The following COA1 variants were observed in gnomAD, a reference collection of about 807,000 sequenced individuals.
COA1 encodes the protein cytochrome c oxidase assembly factor 1 homolog.
In COA1, 13 loss-of-function variants were observed where a neutral mutation model predicts 16.0. The ratio of observed to expected loss-of-function variants is 0.81; its 90% CI spans 0.53 to 1.29. The LOEUF is 1.29. Ranked by LOEUF, COA1 falls within the 50% of genes most tolerant of loss-of-function variation. The pLI is 0.00. For missense variants in COA1, 179 were observed against 177.0 expected (o/e 1.01, Z -0.06); for synonymous variants, 65 against 65.7 (o/e 0.99, Z 0.05).
At chr7:43,703,118 G>A (rs2094817300) in intron 1 of COA1, among the ~76,000 whole-genome samples, 1 of 152,058 alleles carries the variant, frequency 6.6e-6, no homozygotes, top group South Asian at 2.1e-4. Context: ...TCAGGAACAG[G>A]CTGTTTAATT....
chr7:43,721,852 A>C (rs2095511308), intron 1 of COA1, among the ~76,000 whole-genome samples: 1 of 152,166 alleles, frequency 6.6e-6, no homozygotes, highest in African/African-American at 2.4e-5. Flanking sequence ...TATAATGTGA[A>C]AGTATTCACA....
intron 1 of COA1, among the ~76,000 whole-genome samples, chr7:43,691,305 GAAAGAAAGAAAGAA>G (rs2094302124): frequency 1.1e-5 from 1 of 92,950 alleles, no homozygotes; most frequent in Non-Finnish European, 2.2e-5. Flanking sequence ...AAGAAAGAAA[GAAAGAAAGAAAGAA>G]AGAAAGAAAG....
downstream of COA1, among the ~76,000 whole-genome samples, chr7:43,636,747 G>A (rs2085940245): frequency 6.6e-6 from 1 of 152,238 alleles, no homozygotes; most frequent in Admixed American, 6.5e-5. Context: ...CAGGCAAGTG[G>A]AGGCTAATTC....
At chr7:43,705,306 T>A (rs1039210984) in intron 1 of COA1, among the ~76,000 whole-genome samples, 1 of 152,208 alleles carries the variant, frequency 6.6e-6, no homozygotes, top group Non-Finnish European at 1.5e-5. Flanking sequence ...GGGGAAGCTG[T>A]GGGCAAATGC....
chr7:43,695,786 G>A (rs1365837294), intron 1 of COA1, among the ~76,000 whole-genome samples: 1 of 152,142 alleles, frequency 6.6e-6, no homozygotes, highest in African/African-American at 2.4e-5. Context: ...ATACTTTACA[G>A]AACAATTTGG....
chr7:43,624,903 A>G (rs2084335933), intron 6 of COA1: 3 of 1,393,462 alleles, frequency 2.2e-6, no homozygotes, highest in African/African-American at 2.9e-5. Flanking sequence ...TTATTTATGG[A>G]CCTCTGGCCA....
chr7:43,717,802 A>G (rs2095425326), intron 1 of COA1, among the ~76,000 whole-genome samples: 1 of 152,210 alleles, frequency 6.6e-6, no homozygotes. Flanking sequence ...GAGATAACTG[A>G]ATCATGGGGG....
At chr7:43,723,703 G>A (rs147477357) in intron 1 of COA1, among the ~76,000 whole-genome samples, 1 of 152,130 alleles carries the variant, frequency 6.6e-6, no homozygotes, top group African/African-American at 2.4e-5. Context: ...GAGGTGGGCG[G>A]ATCGCTTGAG....
At chr7:43,708,644 A>C (rs2095093045) in intron 1 of COA1, among the ~76,000 whole-genome samples, 1 of 152,048 alleles carries the variant, frequency 6.6e-6, no homozygotes, top group Admixed American at 6.6e-5. Context: ...CCACTTGGAT[A>C]TTCTTTTTGG....
intron 1 of COA1, among the ~76,000 whole-genome samples, chr7:43,710,822 G>C (rs904177888): frequency 1.3e-5 from 2 of 152,130 alleles, no homozygotes; most frequent in Non-Finnish European, 2.9e-5. Flanking sequence ...CACAGTGCTG[G>C]TATCTGTGAT....
At chr7:43,680,055 T>C (rs143362166) in intron 1 of COA1, among the ~76,000 whole-genome samples, 1 of 152,228 alleles carries the variant, frequency 6.6e-6, no homozygotes, top group African/African-American at 2.4e-5. Context: ...AAGACAAGTC[T>C]AGAGATATGC....
At chr7:43,710,601 A>G (rs529077466) in intron 1 of COA1, among the ~76,000 whole-genome samples, 9 of 152,098 alleles carry the variant, frequency 5.9e-5, no homozygotes, top group African/African-American at 2.2e-4. Context: ...AAGGAAAATA[A>G]TATTTCTTTA....
intron 1 of COA1, among the ~76,000 whole-genome samples, chr7:43,667,214 C>A (rs918713166): frequency 3.9e-5 from 6 of 152,152 alleles, no homozygotes; most frequent in African/African-American, 1.2e-4. Flanking sequence ...ATGTTCTAAA[C>A]CTCTAACATT....
At chr7:43,705,090 T>C (rs2094919348) in intron 1 of COA1, among the ~76,000 whole-genome samples, 1 of 152,222 alleles carries the variant, frequency 6.6e-6, no homozygotes, top group Admixed American at 6.5e-5. Flanking sequence ...AGAGCACTCC[T>C]GGGCTACATG....
intron 1 of COA1, among the ~76,000 whole-genome samples, chr7:43,710,394 A>ATATATATATATATATT (rs1417053077): frequency 1.5e-5 from 2 of 135,390 alleles, no homozygotes; most frequent in Non-Finnish European, 3.2e-5. Context: ...ATATATATAT[A>ATATATATATATATATT]TTTTTAAGAT....
At position 43,697,907 on chromosome 7, in the gene COA1, T is replaced by A. The variant is rs192120645; in HGVS notation, c.-39+31522A>T. 1.1e-4 allele frequency among the ~76,000 whole-genome samples: 17 copies of A among 152,342 alleles called. No homozygotes were observed. In the East Asian group the frequency reaches 2.9e-3, roughly 26 times the overall value. ...AAAGGCACCAAGACTCATGTGAGCA[T>A]CTAAAATCACCAGTTGCCACGGATG... On this transcript the variant is annotated intron_variant, in intron 1 of 5. Transcript: ENST00000223336.
At chr7:43,699,223 A>C (rs1432927158) in intron 1 of COA1, among the ~76,000 whole-genome samples, 1 of 152,122 alleles carries the variant, frequency 6.6e-6, no homozygotes, top group Non-Finnish European at 1.5e-5. Flanking sequence ...TCCAGAAAAA[A>C]AACACATATA....
At chr7:43,648,368 G>C (rs17531127) in intron 2 of COA1, 102,611 of 609,572 alleles carry the variant, frequency 0.17, 10,197 homozygotes, top group Non-Finnish European at 0.21. Flanking sequence ...CTGGGTTATG[G>C]AGAGGTTCCC....
intron 1 of COA1, among the ~76,000 whole-genome samples, chr7:43,687,249 C>T (rs1282649436): frequency 6.6e-6 from 1 of 152,116 alleles, no homozygotes; most frequent in Non-Finnish European, 1.5e-5. Flanking sequence ...AACTTGTTTG[C>T]CAACATCTAG....
Sources: gnomAD v4.1 joint callset for allele counts (sites outside exome capture counted in the v4.1 genomes callset) on GRCh38, gnomAD v4.1.1 for gene constraint, MANE v1.5 for transcripts, NCBI Gene and HGNC (gene_info 2026-07-23, HGNC 2026-07-21) for gene names.